VPS13B: variants seen among roughly 807,000 people sequenced by gnomAD.
The protein encoded by VPS13B is intermembrane lipid transfer protein VPS13B.
Under a neutral mutation model 426.4 loss-of-function variants are expected in VPS13B, and 285 were observed. That is an observed-to-expected ratio of 0.67 (90% CI 0.61 to 0.74). VPS13B has a LOEUF of 0.74. Ranked by LOEUF, VPS13B falls within the 30% of genes least tolerant of loss-of-function variation. VPS13B has a pLI of 0.00. For missense variants in VPS13B, 4,537 were observed against 4,782.6 expected, an observed-to-expected ratio of 0.95 and a Z score of 1.51; for synonymous variants, 1,676 against 1,676.4, an observed-to-expected ratio of 1.00 and a Z score of 0.01.
At chr8:99,191,987 G>T (rs1262892767) in intron 16 of VPS13B, among the ~76,000 whole-genome samples, 1 of 152,036 alleles carries the variant, frequency 6.6e-6, no homozygotes, top group Non-Finnish European at 1.5e-5. Context: ...GGGTTTGTGG[G>T]GTTAAGGAAA....
In VPS13B at chr8:99,596,871, G is replaced by A. The variant is rs532351819; in HGVS notation, c.5220+19238G>A. Among the ~76,000 whole-genome samples the A allele has an allele frequency of 1.4e-4, 21 of 152,120 alleles. 1 individual carries two copies. The South Asian group carries it at 4.2e-3, about 30-fold the overall frequency. On this transcript the variant is annotated intron_variant, in intron 33 of 61. Coordinates refer to ENST00000357162, the MANE Select transcript of VPS13B (RefSeq NM_152564.5). ...AAATTATTCTACTATGAAAGTAGGT[G>A]ACAACAGATATTGGAGTACAACCAG...
At chr8:99,279,205 T>A (rs1819045471) in intron 19 of VPS13B, among the ~76,000 whole-genome samples, 1 of 152,124 alleles carries the variant, frequency 6.6e-6, no homozygotes, top group South Asian at 2.1e-4. Context: ...CGTACTGCAC[T>A]GTAGCCTGGG....
At chr8:99,676,563 G>T (rs1588614576) in intron 35 of VPS13B, among the ~76,000 whole-genome samples, 1 of 139,196 alleles carries the variant, frequency 7.2e-6, no homozygotes, top group Non-Finnish European at 1.6e-5. Context: ...CTCTGAATTT[G>T]CTACTTGGGG....
chr8:99,490,492 G>A (rs1820547366), intron 25 of VPS13B, among the ~76,000 whole-genome samples: 1 of 152,134 alleles, frequency 6.6e-6, no homozygotes, highest in Non-Finnish European at 1.5e-5. Flanking sequence ...GGTCCTCTTT[G>A]TACCTCTGGT....
chr8:99,348,631 T>G (rs1811677781), intron 19 of VPS13B, among the ~76,000 whole-genome samples: 1 of 152,222 alleles, frequency 6.6e-6, no homozygotes, highest in Admixed American at 6.5e-5. Context: ...ATTAACATTT[T>G]AAAGTTTGCT....
At chr8:99,175,807 A>G (rs371533690) in intron 16 of VPS13B, among the ~76,000 whole-genome samples, 68 of 152,326 alleles carry the variant, frequency 4.5e-4, no homozygotes, top group African/African-American at 1.6e-3. Context: ...ATGCACACAA[A>G]TGCTTAGGGA....
intron 19 of VPS13B, among the ~76,000 whole-genome samples, chr8:99,316,386 C>G (rs1375485001): frequency 6.6e-6 from 1 of 152,144 alleles, no homozygotes; most frequent in Non-Finnish European, 1.5e-5. Context: ...CTGGTAGGAC[C>G]TGGATTCTCA....
At chr8:99,311,672 G>T (rs191421021) in intron 19 of VPS13B, among the ~76,000 whole-genome samples, 314 of 152,322 alleles carry the variant, frequency 2.1e-3, no homozygotes, top group Non-Finnish European at 3.4e-3. Context: ...GAGTTCTGTA[G>T]ATGTCTATTA....
At chr8:99,511,063 T>C in intron 28 of VPS13B, 41 bp from the exon 29 acceptor site, 1 of 1,605,126 alleles carries the variant, frequency 6.2e-7, no homozygotes, top group Non-Finnish European at 8.5e-7. Flanking sequence ...AAAAAATCTT[T>C]TTAATGAACT....
chr8:99,630,824 G>T (rs929709223), intron 33 of VPS13B, among the ~76,000 whole-genome samples: 1 of 152,094 alleles, frequency 6.6e-6, no homozygotes, highest in South Asian at 2.1e-4. Flanking sequence ...ACCTGTGAAA[G>T]AAATTAACTA....
intron 20 of VPS13B, among the ~76,000 whole-genome samples, chr8:99,385,115 T>A (rs1814044196): frequency 1.3e-5 from 2 of 152,228 alleles, no homozygotes; most frequent in South Asian, 2.1e-4. Flanking sequence ...AAGGTATAAA[T>A]TAGAAAGTAG....
chr8:99,718,192 G>T (rs969447091), intron 37 of VPS13B, among the ~76,000 whole-genome samples: 1 of 151,710 alleles, frequency 6.6e-6, no homozygotes, highest in Non-Finnish European at 1.5e-5. Context: ...TGATCCTCTT[G>T]CATCAACCTC....
intron 44 of VPS13B, among the ~76,000 whole-genome samples, chr8:99,810,889 G>A (rs949767685): frequency 6.6e-6 from 1 of 152,136 alleles, no homozygotes; most frequent in Non-Finnish European, 1.5e-5. Context: ...AGAGACAAAT[G>A]TGGGACAAAT....
intron 3 of VPS13B, among the ~76,000 whole-genome samples, chr8:99,089,463 A>G (rs980982291): frequency 6.6e-6 from 1 of 152,176 alleles, no homozygotes; most frequent in African/African-American, 2.4e-5. Context: ...TTTTATGGAG[A>G]CATAAGACAT....
chr8:99,253,271 G>C (rs1817592913), intron 17 of VPS13B, among the ~76,000 whole-genome samples: 1 of 151,796 alleles, frequency 6.6e-6, no homozygotes, highest in Non-Finnish European at 1.5e-5. Context: ...CCACTTTTTG[G>C]CTATTAGAAA....
At chr8:99,323,316 G>C (rs979370362) in intron 19 of VPS13B, among the ~76,000 whole-genome samples, 1 of 152,050 alleles carries the variant, frequency 6.6e-6, no homozygotes. Flanking sequence ...TAGGAAAGTT[G>C]GTCATTTTCT....
At chr8:99,797,313 C>T (rs1812892961) in intron 43 of VPS13B, among the ~76,000 whole-genome samples, 1 of 151,824 alleles carries the variant, frequency 6.6e-6, no homozygotes. Flanking sequence ...GTCCACAGCT[C>T]TCTACAGCCT....
rs120074155 is a variant in VPS13B, at chr8:99,818,473, T to C, written c.8384T>C (p.Ile2795Thr). The change falls in exon 46 of 62, where the codon ATT (isoleucine) becomes ACT (threonine). Residue 2795 changes from isoleucine to threonine, a missense_variant. Coordinates refer to ENST00000357162, the MANE Select transcript of VPS13B (RefSeq NM_152564.5). ...CAGGTGCCATCTTCAAACAGTTCCA[T>C]TATTTATGTCTGGTGCACAGTTTTG... ...VIQVPSSNSS[I>T]IYVWCTVLTL... 6.2e-7 allele frequency: 1 copy of C among 1,614,088 alleles called. No homozygotes were observed. The highest frequency in any genetic ancestry group is 8.5e-7 in the Non-Finnish European group (1 of 1,179,968).
intron 24 of VPS13B, among the ~76,000 whole-genome samples, chr8:99,480,252 C>A (rs1376000337): frequency 6.6e-6 from 1 of 152,232 alleles, no homozygotes; most frequent in African/African-American, 2.4e-5. Flanking sequence ...AATAAAAATA[C>A]GTTTAAAGTG....
Sources: allele counts gnomAD v4.1 joint callset (sites outside exome capture counted in the v4.1 genomes callset), GRCh38; gene constraint gnomAD v4.1.1; transcripts MANE v1.5; gene names NCBI Gene and HGNC (gene_info 2026-07-23, HGNC 2026-07-21).